The following SUV39H2 variants were observed in gnomAD, a reference collection of about 807,000 sequenced individuals.
The protein encoded by SUV39H2 is histone-lysine N-methyltransferase SUV39H2.
Under a neutral mutation model 47.5 loss-of-function variants are expected in SUV39H2, and 10 were observed. That is an observed-to-expected ratio of 0.21 (90% CI 0.13 to 0.36). The LOEUF (loss-of-function observed/expected upper bound fraction) is 0.36. SUV39H2 is among the 10% of genes least tolerant of loss of function. The pLI is 1.00. For missense variants in SUV39H2, 266 were observed against 487.4 expected (o/e 0.55, Z 4.28); for synonymous variants, 159 against 166.8 (o/e 0.95, Z 0.36).
At chr10:14,883,164 G>A (rs757097997) in intron 2 of SUV39H2, among the ~76,000 whole-genome samples, 4 of 151,972 alleles carry the variant, frequency 2.6e-5, no homozygotes, top group South Asian at 2.1e-4. Context: ...ACTGCACCCC[G>A]CCAGACTTTT....
intron 2 of SUV39H2, among the ~76,000 whole-genome samples, chr10:14,882,702 A>T (rs1035738665): frequency 6.6e-6 from 1 of 151,948 alleles, no homozygotes; most frequent in African/African-American, 2.4e-5. Flanking sequence ...TTCTTACTCT[A>T]TCCATTTCTC....
intron 2 of SUV39H2, among the ~76,000 whole-genome samples, chr10:14,888,505 G>A (rs138713808): frequency 5.9e-4 from 90 of 152,096 alleles, no homozygotes; most frequent in African/African-American, 1.7e-3. Context: ...ATGGTGGTGC[G>A]CTTGCCTATA....
At chr10:14,899,472 A>C in intron 3 of SUV39H2, 67 bp from the exon 4 acceptor site, 1 of 1,529,126 alleles carries the variant, frequency 6.5e-7, no homozygotes, top group Non-Finnish European at 9.0e-7. Context: ...GCATATTAGT[A>C]GATAGGTAGA....
chr10:14,880,062 A>G (rs1186550013), intron 1 of SUV39H2: 2 of 152,082 alleles, frequency 1.3e-5, no homozygotes, highest in African/African-American at 2.4e-5. Flanking sequence ...TGATTCCCTT[A>G]ATGAGGTCAG....
intron 2 of SUV39H2, among the ~76,000 whole-genome samples, chr10:14,883,347 T>C (rs904590650): frequency 6.6e-6 from 1 of 152,224 alleles, no homozygotes; most frequent in Non-Finnish European, 1.5e-5. Context: ...TTAATTTTTT[T>C]AACAGCTTTG....
chr10:14,901,082 G>A (rs1304258316), intron 4 of SUV39H2, 51 bp from the exon 5 acceptor site: 23 of 1,589,992 alleles, frequency 1.4e-5, no homozygotes, highest in Non-Finnish European at 2.0e-5. Context: ...GCATGTAGAA[G>A]GGCTTGTTTA....
intron 2 of SUV39H2, among the ~76,000 whole-genome samples, chr10:14,891,722 A>G (rs1436171271): frequency 1.3e-5 from 2 of 152,170 alleles, no homozygotes; most frequent in Non-Finnish European, 2.9e-5. Context: ...GGTAAGATTC[A>G]CCATGATAAG....
At chr10:14,887,024 G>A (rs1419183748) in intron 2 of SUV39H2, among the ~76,000 whole-genome samples, 6 of 152,184 alleles carry the variant, frequency 3.9e-5, no homozygotes, top group Non-Finnish European at 8.8e-5. Flanking sequence ...TAAGGCAATG[G>A]GGAGTTAGTT....
chr10:14,889,141 G>A (rs1833307108), intron 2 of SUV39H2, among the ~76,000 whole-genome samples: 1 of 151,914 alleles, frequency 6.6e-6, no homozygotes, highest in Non-Finnish European at 1.5e-5. Context: ...TAAGAAAGTA[G>A]AGTCAAGTAG....
intron 1 of SUV39H2, among the ~76,000 whole-genome samples, chr10:14,879,474 G>T (rs998711553): frequency 6.6e-6 from 1 of 152,264 alleles, no homozygotes; most frequent in Non-Finnish European, 1.5e-5. Flanking sequence ...AGGAGGTTGA[G>T]TGCCTCGTTG....
chr10:14,890,190 G>A (rs976682486), intron 2 of SUV39H2, among the ~76,000 whole-genome samples: 3 of 152,148 alleles, frequency 2.0e-5, no homozygotes, highest in African/African-American at 7.2e-5. Context: ...ACTACAACCT[G>A]TATTTGAGAG....
At chr10:14,894,359 T>TG (rs1411161135) in intron 2 of SUV39H2, among the ~76,000 whole-genome samples, 3 of 73,020 alleles carry the variant, frequency 4.1e-5, no homozygotes, top group African/African-American at 2.8e-4. Flanking sequence ...AGCAAAGTTT[T>TG]TTTTTTTTTT....
rs1834213262 is a variant in SUV39H2 at position 14,904,293 on chromosome 10, A to G, written c.*1781A>G. The G allele has an allele frequency of 6.7e-6, 1 of 149,454 alleles. No homozygotes were observed. Among genetic ancestry groups the G allele is most frequent in the Non-Finnish European group, 1.5e-5 (1 of 67,478 alleles). The allele number at this position is 149,454 out of a possible 1,614,324, so 9.3% of individuals were successfully genotyped here. A position where few individuals can be genotyped will look rare whatever the true frequency, so the allele number is the denominator to read the frequency against. On this transcript the variant is annotated 3_prime_UTR_variant, in exon 6 of 6. Coordinates refer to ENST00000354919, the MANE Select transcript of SUV39H2 (RefSeq NM_001193424.2). ...GCACTGCAGCCTGAGTGACACAGTA[A>G]GACTGTCTCCAAAAAAAAAAAATTT... is the stretch of plus-strand genomic sequence containing the variant.
intron 2 of SUV39H2, among the ~76,000 whole-genome samples, chr10:14,890,644 AGT>A (rs1833358670): frequency 3.3e-5 from 5 of 152,306 alleles, no homozygotes; most frequent in Admixed American, 2.6e-4. Context: ...AGCCTCCCAA[AGT>A]GAGCCACTGT....
intron 1 of SUV39H2, chr10:14,879,875 TTG>T (rs1408298552): frequency 6.6e-6 from 1 of 152,044 alleles, no homozygotes; most frequent in African/African-American, 2.4e-5. Context: ...TGTCGAGAGA[TTG>T]TCTTTCTTTT....
chr10:14,879,175 C>A, intron 1 of SUV39H2: 1 of 1,149,004 alleles, frequency 8.7e-7, no homozygotes. Context: ...AGCGTGGCCT[C>A]TCCGCCCGCT....
At position 14,897,382 on chromosome 10, in the gene SUV39H2, T is replaced by G. The variant is rs757438301; in HGVS notation, c.714T>G (p.Asp238Glu). The stretch of plus-strand genomic sequence containing the variant: ...ACTCAAGGTGTCAGTGTGGTCCTGA[T>G]TGTCCCAATAGGATTGTACAAAAAG... Reference protein sequence around the residue: ...ECNSRCQCGPDCPNRIVQKGT... With the variant: ...ECNSRCQCGPECPNRIVQKGT... Residue 238 changes from aspartate (D) to glutamate (E), a missense_variant, in exon 3 of 6, where the codon GAT becomes GAG. Asp to Glu is a conservative substitution (Grantham distance 45, BLOSUM62 2). Transcript: ENST00000354919. 1 of 1,613,320 alleles carries G rather than the reference T, an allele frequency of 6.2e-7. No individual in the cohort carries two copies. Among genetic ancestry groups the G allele is most frequent in the Non-Finnish European group, 8.5e-7 (1 of 1,179,976 alleles).
intron 4 of SUV39H2, 30 bp downstream of exon 4, chr10:14,899,715 G>A (rs374384196): frequency 2.0e-5 from 33 of 1,610,104 alleles, no homozygotes; most frequent in East Asian, 6.7e-5. Context: ...TTTTAGACAC[G>A]ACTAACAATT....
intron 2 of SUV39H2, among the ~76,000 whole-genome samples, chr10:14,887,636 C>A (rs1304495279): frequency 6.6e-6 from 1 of 152,186 alleles, no homozygotes; most frequent in Non-Finnish European, 1.5e-5. Context: ...GTTTCCTGTT[C>A]ATGAACTCAG....
Sources: gnomAD v4.1 joint callset for allele counts (sites outside exome capture counted in the v4.1 genomes callset) on GRCh38, gnomAD v4.1.1 for gene constraint, MANE v1.5 for transcripts, NCBI Gene and HGNC (gene_info 2026-07-23, HGNC 2026-07-21) for gene names.